PRPF39: variants seen among roughly 807,000 people sequenced by gnomAD.
PRPF39 encodes pre-mRNA-processing factor 39.
In PRPF39, 27 loss-of-function variants were observed where a neutral mutation model predicts 82.1. The ratio of observed to expected loss-of-function variants is 0.33; its 90% CI spans 0.24 to 0.45. The LOEUF is 0.45. Ranked by LOEUF, PRPF39 falls within the 20% of genes least tolerant of loss-of-function variation. PRPF39 has a pLI of 1.00. For missense variants in PRPF39, 581 were observed against 796.9 expected, an observed-to-expected ratio of 0.73 and a Z score of 3.26; for synonymous variants, 261 against 256.4, an observed-to-expected ratio of 1.02 and a Z score of -0.17.
chr14:45,102,406 T>C, intron 4 of PRPF39, 123 bp from the exon 5 acceptor site: 1 of 759,590 alleles, frequency 1.3e-6, no homozygotes, highest in Non-Finnish European at 2.0e-6. Context: ...CTTTAATCCC[T>C]ACTTGCATAG....
chr14:45,114,332 GTTACTT>G, intron 12 of PRPF39, 75 bp downstream of exon 12: 1 of 1,400,558 alleles, frequency 7.1e-7, no homozygotes, highest in South Asian at 1.3e-5. Flanking sequence ...GTTTTTAAGT[GTTACTT>G]TTATGTTGTA....
At chr14:45,105,708 G>T (rs184920887) in intron 5 of PRPF39, among the ~76,000 whole-genome samples, 3 of 151,460 alleles carry the variant, frequency 2.0e-5, no homozygotes, top group African/African-American at 7.3e-5. Flanking sequence ...TGTATTTTTG[G>T]TACAGATGGG....
chr14:45,092,626 T>C (rs1043266416), intron 1 of PRPF39, among the ~76,000 whole-genome samples: 3 of 141,304 alleles, frequency 2.1e-5, no homozygotes, highest in African/African-American at 8.0e-5. Context: ...AAAAAAAAAG[T>C]CGTCAGCATC....
At chr14:45,089,312 C>T (rs1008407188) in intron 1 of PRPF39, among the ~76,000 whole-genome samples, 2 of 152,154 alleles carry the variant, frequency 1.3e-5, no homozygotes, top group African/African-American at 2.4e-5. Flanking sequence ...TTCTTTTGCA[C>T]GTGGATATCC....
chr14:45,095,471 C>T lies in PRPF39; in HGVS notation c.232C>T (p.Pro78Ser). 1 of 1,613,900 alleles carries T rather than the reference C, an allele frequency of 6.2e-7. No homozygotes were observed. Among genetic ancestry groups the T allele is most frequent in the South Asian group, 1.1e-5 (1 of 91,078 alleles). ...VTLTETEANFPPEYEKFWKTV... is the reference protein window; with the variant it reads ...VTLTETEANFSPEYEKFWKTV... ...GCTGACAGAAACAGAAGCAAATTTC[C>T]CTCCAGAATATGAAAAATTTTGGAA... The change falls in exon 2 of 14, where the codon CCT (proline) becomes TCT (serine). Residue 78 changes from proline (P) to serine (S), a missense_variant. By Grantham distance (74) the Pro-to-Ser change is moderately conservative. Transcript: ENST00000355765.
chr14:45,110,353 A>G lies in PRPF39; in HGVS notation c.1303+133A>G, dbSNP rs1884664144. On this transcript the variant is annotated intron_variant, in intron 9 of 13. Coordinates refer to ENST00000355765, the MANE Select transcript of PRPF39 (RefSeq NM_017922.4). The surrounding 1 kb of genome is among the most constrained non-coding windows in gnomAD (Gnocchi z 4.0). ...TTTCTCTAAAGGGCCAGATAGTAAAAGCCACGTGTTCTGACTTTCAGGCTT... is the reference window on the plus strand; with the variant it reads ...TTTCTCTAAAGGGCCAGATAGTAAAGGCCACGTGTTCTGACTTTCAGGCTT... 6.0e-6 allele frequency: 8 copies of G among 1,343,558 alleles called. No homozygotes were observed. Among genetic ancestry groups the G allele is most frequent in the Non-Finnish European group, 7.0e-6 (7 of 994,644 alleles). 83.2% of individuals were successfully genotyped at this position (1,343,558 alleles called of 1,614,324 possible). A position where few individuals can be genotyped will look rare whatever the true frequency, so the allele number is the denominator to read the frequency against.
At chr14:45,098,167 C>G (rs1189292794) in intron 4 of PRPF39, among the ~76,000 whole-genome samples, 1 of 152,098 alleles carries the variant, frequency 6.6e-6, no homozygotes, top group African/African-American at 2.4e-5. Context: ...GTAATCCCAG[C>G]ACTTTGGGAG....
chr14:45,110,687 C>T lies in PRPF39; in HGVS notation c.1442C>T (p.Ala481Val). 6.4e-7 allele frequency: 1 copy of T among 1,574,754 alleles called. No homozygotes were observed. The highest frequency in any genetic ancestry group is 8.6e-7 in the Non-Finnish European group (1 of 1,158,792). Residue 481 changes from alanine (A) to valine (V), a missense_variant, in exon 10 of 14, where the codon GCC (alanine) becomes GTC (valine). Physicochemically the swap from Ala to Val is moderately conservative, Grantham distance 64. Transcript: ENST00000355765. The surrounding 1 kb of genome is among the most constrained non-coding windows in gnomAD (Gnocchi z 4.0). ...LEEAEHLLQD[A>V]IKNAKSNNES... ...GAAGCTGAACATTTGCTTCAGGATG[C>T]CATTAAGAATGCCAAATCAAATAAT...
intron 5 of PRPF39, among the ~76,000 whole-genome samples, chr14:45,103,328 T>A (rs1020018583): frequency 1.3e-5 from 2 of 152,266 alleles, no homozygotes; most frequent in African/African-American, 4.8e-5. Context: ...ATCCCATAAA[T>A]AAGGATCCAG....
Position 45,102,684 on chromosome 14 carries a change from A to G in PRPF39, c.725A>G (p.His242Arg). 6.3e-7 allele frequency: 1 copy of G among 1,596,896 alleles called. No homozygotes were observed. Among genetic ancestry groups the G allele is most frequent in the Non-Finnish European group, 8.5e-7 (1 of 1,174,542 alleles). Residue 242 changes from histidine to arginine, a missense_variant, in exon 5 of 14, where the codon CAT (histidine) becomes CGT (arginine). Transcript: ENST00000355765. ...GGTATTCCAACACAGCTGTATAGTC[A>G]TCATTTTCAGAGGTAGGTGGGAAAT... ...ILGIPTQLYS[H>R]HFQRFKEHVQ...
chr14:45,096,072 C>T (rs1220091752), intron 2 of PRPF39, 31 bp from the exon 3 acceptor site: 1 of 1,500,152 alleles, frequency 6.7e-7, no homozygotes, highest in East Asian at 2.5e-5. Context: ...GAAATTTCCA[C>T]AATATTTAAA....
intron 1 of PRPF39, among the ~76,000 whole-genome samples, chr14:45,090,693 CATTT>C (rs1444312887): frequency 6.6e-6 from 1 of 151,988 alleles, no homozygotes; most frequent in Non-Finnish European, 1.5e-5. Context: ...CACTTTGTTT[CATTT>C]GAGAGCTTAT....
At chr14:45,088,886 T>G (rs1275906018) in intron 1 of PRPF39, among the ~76,000 whole-genome samples, 1 of 152,222 alleles carries the variant, frequency 6.6e-6, no homozygotes, top group Non-Finnish European at 1.5e-5. Context: ...TGCAAAGCAC[T>G]GTGCTAAAAT....
chr14:45,108,593 A>G (rs1884609248), intron 7 of PRPF39, 71 bp downstream of exon 7: 2 of 1,512,624 alleles, frequency 1.3e-6, no homozygotes, highest in East Asian at 2.5e-5. Flanking sequence ...TTCAATTTTG[A>G]TAGTACTATC....
intron 3 of PRPF39, chr14:45,096,513 CA>C: frequency 6.9e-7 from 1 of 1,439,204 alleles, no homozygotes; most frequent in Non-Finnish European, 9.3e-7. Context: ...GCTTTTCTCT[CA>C]CTTACATTTA....
intron 5 of PRPF39, among the ~76,000 whole-genome samples, chr14:45,106,554 TA>T (rs1264144540): frequency 3.3e-5 from 5 of 152,232 alleles, no homozygotes; most frequent in African/African-American, 4.8e-5. Context: ...AGTGAAATGA[TA>T]TTTTTTTCAA....
chr14:45,091,027 A>G (rs1884005713), intron 1 of PRPF39, among the ~76,000 whole-genome samples: 1 of 151,976 alleles, frequency 6.6e-6, no homozygotes, highest in African/African-American at 2.4e-5. Context: ...TTAGGAAAAA[A>G]ATAGTTTCAT....
At chr14:45,107,928 CG>C (rs148878642) in intron 6 of PRPF39, among the ~76,000 whole-genome samples, 3 of 151,554 alleles carry the variant, frequency 2.0e-5, no homozygotes, top group Non-Finnish European at 4.4e-5. Context: ...GACTCCATCT[CG>C]GGGGGAAAAA....
rs140796830 is a variant in PRPF39, at chr14:45,087,562, GT to G, written c.-20+3323del. Among the ~76,000 whole-genome samples, 9 of 146,514 alleles carry G rather than the reference GT, an allele frequency of 6.1e-5. No homozygotes were observed. In the South Asian group the frequency reaches 6.5e-4, roughly 11 times the overall value. ...TTCCCTAATGAGTAGCCAGAAGACT[GT>G]TTTTTTTTTGTTTTGTTTTGTTTTT... On this transcript the variant is annotated intron_variant, in intron 1 of 13. Transcript: ENST00000355765.
Sources: gnomAD v4.1 joint callset for allele counts (sites outside exome capture counted in the v4.1 genomes callset) on GRCh38, gnomAD v4.1.1 for gene constraint, Gnocchi (gnomAD v3.1) non-coding constraint, MANE v1.5 for transcripts, NCBI Gene and HGNC (gene_info 2026-07-23, HGNC 2026-07-21) for gene names.